Variants in NENF observed in about 807,000 individuals in gnomAD.
NENF encodes neudesin neurotrophic factor, also known as neudesin.
In NENF, 6 loss-of-function variants were observed where a neutral mutation model predicts 14.8. The observed-to-expected ratio is 0.40, with a 90% CI of 0.22 to 0.80. NENF has a LOEUF of 0.80. Ranked by LOEUF, NENF falls within the 30% of genes least tolerant of loss-of-function variation. The pLI is 0.34. For synonymous variants in NENF, 76 were observed against 95.1 expected (o/e 0.80, Z 1.17); for missense variants, 184 against 212.7 (o/e 0.87, Z 0.84).
intron 1 of NENF, among the ~76,000 whole-genome samples, chr1:212,439,298 C>T (rs1021959449): frequency 2.0e-5 from 3 of 151,536 alleles, no homozygotes; most frequent in African/African-American, 7.3e-5. Context: ...TTTGGGAGGC[C>T]GAGGCGGGTA....
intron 3 of NENF, among the ~76,000 whole-genome samples, chr1:212,445,166 A>G (rs1438623489): frequency 6.6e-6 from 1 of 151,986 alleles, no homozygotes; most frequent in Non-Finnish European, 1.5e-5. Context: ...GAGGCAGGAG[A>G]ATCGCTCGAA....
intron 1 of NENF, among the ~76,000 whole-genome samples, chr1:212,441,508 G>T (rs1662697755): frequency 6.6e-6 from 1 of 152,086 alleles, no homozygotes; most frequent in South Asian, 2.1e-4. Context: ...CCCTACGCCG[G>T]GCATGGTGGC....
chr1:212,444,957 A>G (rs1015551550), intron 3 of NENF, among the ~76,000 whole-genome samples: 6 of 152,316 alleles, frequency 3.9e-5, no homozygotes, highest in Admixed American at 2.0e-4. Context: ...AGAAGATAGC[A>G]TTAAAACATT....
At chr1:212,445,180 AG>A (rs1662760525) in intron 3 of NENF, among the ~76,000 whole-genome samples, 1 of 151,918 alleles carries the variant, frequency 6.6e-6, no homozygotes, top group South Asian at 2.1e-4. Flanking sequence ...GCTCGAATCC[AG>A]GGGGCGGAGG....
At chr1:212,437,214 T>G (rs1662613834) in intron 1 of NENF, among the ~76,000 whole-genome samples, 1 of 152,200 alleles carries the variant, frequency 6.6e-6, no homozygotes, top group Admixed American at 6.5e-5. Context: ...CCCAGCTTGA[T>G]CTGAAATCAC....
Position 212,446,063 on chromosome 1 carries a change from T to C in NENF, c.*57T>C, listed in dbSNP as rs1662775458. On this transcript the variant is annotated 3_prime_UTR_variant, in exon 4 of 4. Transcript: ENST00000366988. Reference sequence around the variant, plus strand: ...CGTGAGGCAGGAAGACACTAGGTGCTGAATCTCCTGCAAAACTGGCTGCCT... The same window carrying C: ...CGTGAGGCAGGAAGACACTAGGTGCCGAATCTCCTGCAAAACTGGCTGCCT... 1.9e-6 allele frequency: 3 copies of C among 1,575,932 alleles called. No homozygotes were observed. Among genetic ancestry groups the C allele is most frequent in the Non-Finnish European group, 2.6e-6 (3 of 1,149,636 alleles).
At chr1:212,444,518 C>CGTGTGTGTGT (rs57220444) in intron 3 of NENF, 76 bp downstream of exon 3, 50 of 497,496 alleles carry the variant, frequency 1.0e-4, no homozygotes, top group African/African-American at 9.1e-4. Context: ...TTTTTCTTTT[C>CGTGTGTGTGT]GTGTGTGTGT....
rs935812086 is a variant in NENF, at chr1:212,444,818, C to G, written c.342+376C>G. On this transcript the variant is annotated intron_variant, in intron 3 of 3. Coordinates refer to ENST00000366988, the MANE Select transcript of NENF (RefSeq NM_013349.5). ...TCCTTATGGTCTGTACCTGCCACCC[C>G]ATCCCCTCAGCCCCTTACAGCCTTG... Among the ~76,000 whole-genome samples, 6 of 152,284 alleles carry G rather than the reference C, an allele frequency of 3.9e-5. No homozygotes were observed. In the South Asian group the frequency reaches 8.3e-4, roughly 21 times the overall value.
At chr1:212,445,514 G>A (rs567748091) in intron 3 of NENF, among the ~76,000 whole-genome samples, 3 of 151,958 alleles carry the variant, frequency 2.0e-5, no homozygotes, top group Non-Finnish European at 2.9e-5. Context: ...AGGATTAATC[G>A]GGGGGAGGAA....
At chr1:212,445,498 A>G (rs1447045123) in intron 3 of NENF, among the ~76,000 whole-genome samples, 2 of 151,898 alleles carry the variant, frequency 1.3e-5, no homozygotes, top group African/African-American at 4.8e-5. Flanking sequence ...CAGTGTAGAG[A>G]GAGGGAGGAT....
intron 1 of NENF, among the ~76,000 whole-genome samples, chr1:212,434,552 A>G (rs1205357313): frequency 1.3e-5 from 2 of 152,170 alleles, no homozygotes; most frequent in African/African-American, 4.8e-5. Context: ...CATACTGTCA[A>G]GTTTTGTTGC....
At chr1:212,438,292 G>T (rs781014091) in intron 1 of NENF, among the ~76,000 whole-genome samples, 14 of 152,236 alleles carry the variant, frequency 9.2e-5, no homozygotes, top group Non-Finnish European at 1.9e-4. Flanking sequence ...CACCTGTTAT[G>T]ATAGCAGGGT....
chr1:212,444,518 C>G, intron 3 of NENF, 76 bp downstream of exon 3: 11 of 496,330 alleles, frequency 2.2e-5, no homozygotes, highest in Admixed American at 3.9e-5. Context: ...TTTTTCTTTT[C>G]GTGTGTGTGT....
intron 3 of NENF, 123 bp downstream of exon 3, chr1:212,444,565 GTGTA>G (rs753804455): frequency 0.046 from 14,309 of 312,822 alleles, 474 homozygotes; most frequent in East Asian, 0.11. Flanking sequence ...GTGTGTGTGT[GTGTA>G]TCTGGGCAAG....
intron 3 of NENF, among the ~76,000 whole-genome samples, chr1:212,445,473 G>A (rs1477833746): frequency 1.3e-5 from 2 of 151,800 alleles, no homozygotes; most frequent in African/African-American, 4.8e-5. Flanking sequence ...AGTGTAGAGA[G>A]AGGGATAATG....
At chr1:212,436,561 G>C (rs1298720200) in intron 1 of NENF, among the ~76,000 whole-genome samples, 1 of 152,146 alleles carries the variant, frequency 6.6e-6, no homozygotes, top group African/African-American at 2.4e-5. Flanking sequence ...ACCCGTCTCA[G>C]CCTTCCAAAG....
Position 212,444,387 on chromosome 1 carries a change from C to A in NENF, c.287C>A (p.Ser96Tyr). The A allele has an allele frequency of 6.2e-7, 1 of 1,609,944 alleles. No homozygotes were observed. The highest frequency in any genetic ancestry group is 8.5e-7 in the Non-Finnish European group (1 of 1,177,694). Residue 96 changes from serine to tyrosine, a missense_variant, in exon 3 of 4, where the codon TCC becomes TAC. Ser to Tyr is a moderately radical substitution (Grantham distance 144). Transcript: ENST00000366988. ...TACAATGCCTTGACGGGGAAGGACT[C>A]CACTAGAGGGGTAGCCAAGATGTCC... The part of the protein sequence containing the change: ...APYNALTGKD[S>Y]TRGVAKMSLD...
intron 1 of NENF, among the ~76,000 whole-genome samples, chr1:212,440,507 G>A (rs1451526133): frequency 6.6e-6 from 1 of 152,040 alleles, no homozygotes; most frequent in African/African-American, 2.4e-5. Flanking sequence ...CGTGTTAGAT[G>A]AGGTGGAGCA....
chr1:212,441,140 T>C (rs1030851046), intron 1 of NENF, among the ~76,000 whole-genome samples: 1 of 152,164 alleles, frequency 6.6e-6, no homozygotes, highest in Admixed American at 6.5e-5. Flanking sequence ...CAAAAAAAAG[T>C]GTAAAGCCCA....
Sources: gnomAD v4.1 joint callset for allele counts (sites outside exome capture counted in the v4.1 genomes callset) on GRCh38, gnomAD v4.1.1 for gene constraint, MANE v1.5 for transcripts, NCBI Gene and HGNC (gene_info 2026-07-23, HGNC 2026-07-21) for gene names.